ARHGAP10: variants seen among roughly 807,000 people sequenced by gnomAD.
ARHGAP10 encodes the protein rho GTPase-activating protein 10.
In ARHGAP10, 87 loss-of-function variants were observed where a neutral mutation model predicts 108.6. The ratio of observed to expected loss-of-function variants is 0.80; its 90% CI spans 0.67 to 0.96. The LOEUF (loss-of-function observed/expected upper bound fraction) is 0.96, where lower values mean the gene tolerates loss of function less well. ARHGAP10 is among the 40% of genes least tolerant of loss of function. ARHGAP10 has a pLI of 0.00. For missense variants in ARHGAP10, 939 were observed against 954.5 expected, an observed-to-expected ratio of 0.98 and a Z score of 0.21; for synonymous variants, 347 against 341.1, an observed-to-expected ratio of 1.02 and a Z score of -0.19.
At chr4:147,969,801 A>G (rs1578744461) in intron 18 of ARHGAP10, among the ~76,000 whole-genome samples, 1 of 152,224 alleles carries the variant, frequency 6.6e-6, no homozygotes, top group African/African-American at 2.4e-5. Flanking sequence ...AGAGCTTTAT[A>G]GAGCTAAGCA....
chr4:148,000,557 T>C (rs1740674224), intron 18 of ARHGAP10, among the ~76,000 whole-genome samples: 1 of 152,212 alleles, frequency 6.6e-6, no homozygotes, highest in Non-Finnish European at 1.5e-5. Flanking sequence ...GTAAAAGTGT[T>C]CCTATTTCTC....
At chr4:148,017,240 G>A (rs1341562114) in intron 18 of ARHGAP10, among the ~76,000 whole-genome samples, 1 of 152,154 alleles carries the variant, frequency 6.6e-6, no homozygotes, top group Non-Finnish European at 1.5e-5. Flanking sequence ...CCAGAATATA[G>A]AGCGAGATGC....
At position 147,879,279 on chromosome 4, in the gene ARHGAP10, C is replaced by T. The variant is rs755514129; in HGVS notation, c.880C>T (p.Arg294Ter). The change falls in exon 9 of 23, where the codon CGA (arginine) becomes TGA (stop). Residue 294 changes from arginine to a stop codon, truncating the protein, a stop_gained. Coordinates refer to ENST00000336498, the MANE Select transcript of ARHGAP10 (RefSeq NM_024605.4). LOFTEE classifies it high-confidence loss of function. Reference protein sequence around the residue: ...SSWVKHYCMYRKAAKKFNMIP... With the variant: ...SSWVKHYCMY ...TTGGGTCAAACACTATTGCATGTATCGAAAAGCAGCAAAGAAGTTCAACAT... is the reference window on the plus strand; with the variant it reads ...TTGGGTCAAACACTATTGCATGTATTGAAAAGCAGCAAAGAAGTTCAACAT... 5.0e-6 allele frequency: 8 copies of T among 1,613,784 alleles called. No homozygotes were observed. Among genetic ancestry groups the T allele is most frequent in the South Asian group, 1.1e-5 (1 of 91,066 alleles).
intron 22 of ARHGAP10, among the ~76,000 whole-genome samples, chr4:148,071,266 C>T (rs1730162683): frequency 6.6e-6 from 1 of 152,206 alleles, no homozygotes; most frequent in Admixed American, 6.5e-5. Flanking sequence ...TGAAGAGCTC[C>T]TGGAGGGGCG....
chr4:147,766,403 GTTATA>G (rs1439986063), intron 1 of ARHGAP10, among the ~76,000 whole-genome samples: 1 of 151,938 alleles, frequency 6.6e-6, no homozygotes, highest in Non-Finnish European at 1.5e-5. Context: ...TATGTAAATA[GTTATA>G]TTGTATTGTT....
At chr4:147,849,806 A>C (rs1028426314) in intron 4 of ARHGAP10, among the ~76,000 whole-genome samples, 1 of 152,134 alleles carries the variant, frequency 6.6e-6, no homozygotes, top group Admixed American at 6.5e-5. Flanking sequence ...ATATTTGGAT[A>C]TGCTCTCCTT....
At chr4:147,732,718 G>A (rs560154006) in intron 1 of ARHGAP10, among the ~76,000 whole-genome samples, 2 of 152,238 alleles carry the variant, frequency 1.3e-5, no homozygotes, top group Non-Finnish European at 2.9e-5. Flanking sequence ...CCTGGGCCCC[G>A]CCTGGCCCCG....
chr4:147,784,145 T>G (rs80044485), intron 1 of ARHGAP10, among the ~76,000 whole-genome samples: 1 of 67,776 alleles, frequency 1.5e-5, no homozygotes. Context: ...GTATTATATA[T>G]TTTACATAAC....
intron 3 of ARHGAP10, among the ~76,000 whole-genome samples, chr4:147,841,812 T>C (rs1265849887): frequency 6.6e-6 from 1 of 152,198 alleles, no homozygotes; most frequent in Non-Finnish European, 1.5e-5. Context: ...AAAGTATTTT[T>C]AATAAAAAAG....
At chr4:148,006,797 A>G (rs1740968920) in intron 18 of ARHGAP10, among the ~76,000 whole-genome samples, 1 of 152,132 alleles carries the variant, frequency 6.6e-6, no homozygotes, top group Non-Finnish European at 1.5e-5. Flanking sequence ...GTGATTAGTT[A>G]CCCTCTCTTC....
At chr4:147,765,965 G>C (rs555557049) in intron 1 of ARHGAP10, among the ~76,000 whole-genome samples, 1 of 152,210 alleles carries the variant, frequency 6.6e-6, no homozygotes, top group African/African-American at 2.4e-5. Flanking sequence ...ACCCAAATCT[G>C]CAGATGCTCT....
intron 1 of ARHGAP10, among the ~76,000 whole-genome samples, chr4:147,821,015 C>A (rs1426612731): frequency 2.6e-5 from 4 of 152,174 alleles, no homozygotes; most frequent in African/African-American, 7.2e-5. Flanking sequence ...ACTCACTGGG[C>A]AGTTACATGT....
At chr4:147,981,823 T>A (rs982773908) in intron 18 of ARHGAP10, among the ~76,000 whole-genome samples, 1 of 152,138 alleles carries the variant, frequency 6.6e-6, no homozygotes, top group Non-Finnish European at 1.5e-5. Context: ...TACTTGTCCT[T>A]TTTTTTACTG....
chr4:147,992,232 C>T (rs771653963), intron 18 of ARHGAP10, among the ~76,000 whole-genome samples: 17 of 152,224 alleles, frequency 1.1e-4, no homozygotes, highest in Middle Eastern at 3.4e-3. Context: ...TGCATGCTGT[C>T]GTTCGGTCCC....
At chr4:147,870,521 C>T (rs576108904) in intron 7 of ARHGAP10, among the ~76,000 whole-genome samples, 1 of 150,762 alleles carries the variant, frequency 6.6e-6, no homozygotes, top group South Asian at 2.1e-4. Context: ...ACCTATTTTT[C>T]CCCATCTGAT....
intron 15 of ARHGAP10, among the ~76,000 whole-genome samples, chr4:147,951,681 C>T (rs139722691): frequency 0.027 from 4,053 of 151,838 alleles, 71 homozygotes; most frequent in Non-Finnish European, 0.038. Flanking sequence ...TTAAACTCGT[C>T]GTCTCAAGTG....
chr4:147,821,994 T>A (rs1732516490), intron 1 of ARHGAP10, among the ~76,000 whole-genome samples: 1 of 152,238 alleles, frequency 6.6e-6, no homozygotes, highest in African/African-American at 2.4e-5. Context: ...GGTATAATAA[T>A]CTTTATATAT....
At chr4:147,796,772 G>A (rs534906072) in intron 1 of ARHGAP10, among the ~76,000 whole-genome samples, 27 of 152,092 alleles carry the variant, frequency 1.8e-4, no homozygotes, top group African/African-American at 6.3e-4. Flanking sequence ...TGATCCACCC[G>A]CCTTGGCCTC....
intron 14 of ARHGAP10, 54 bp from the exon 15 acceptor site, chr4:147,946,563 G>T (rs771790185): frequency 6.7e-7 from 1 of 1,484,368 alleles, no homozygotes; most frequent in Non-Finnish European, 9.3e-7. Flanking sequence ...TAGACAAGAG[G>T]ACCTTTGATG....
Sources: allele counts gnomAD v4.1 joint callset (sites outside exome capture counted in the v4.1 genomes callset), GRCh38; gene constraint gnomAD v4.1.1; transcripts MANE v1.5; gene names NCBI Gene and HGNC (gene_info 2026-07-23, HGNC 2026-07-21).